Variants in NCKAP5 observed in about 807,000 individuals in gnomAD.
NCKAP5 encodes nck-associated protein 5.
A neutral mutation model predicts 167.0 loss-of-function variants in NCKAP5; 92 were observed. That is an observed-to-expected ratio of 0.55 (90% CI 0.47 to 0.66). The LOEUF is 0.66. NCKAP5 is among the 30% of genes least tolerant of loss of function. The probability of loss-of-function intolerance (pLI) is 0.00; values close to 1 mark genes in which losing one functional copy is unlikely to be tolerated. For missense variants in NCKAP5, 2,378 were observed against 2,315.0 expected (o/e 1.03, Z -0.56); for synonymous variants, 891 against 877.4 (o/e 1.02, Z -0.27).
chr2:133,289,213 G>A (rs542786922), intron 4 of NCKAP5, among the ~76,000 whole-genome samples: 22 of 152,176 alleles, frequency 1.4e-4, no homozygotes, highest in African/African-American at 4.8e-4. Context: ...ATACTTTAAG[G>A]GATAAAGAGA....
At chr2:132,868,878 G>A in intron 10 of NCKAP5, 58 bp downstream of exon 10, 2 of 1,259,110 alleles carry the variant, frequency 1.6e-6, no homozygotes, top group African/African-American at 1.5e-5. Flanking sequence ...TTAACAACAT[G>A]AGCTCCAATA....
intron 6 of NCKAP5, among the ~76,000 whole-genome samples, chr2:133,056,511 GT>G (rs1239037684): frequency 6.6e-6 from 1 of 152,094 alleles, no homozygotes; most frequent in Non-Finnish European, 1.5e-5. Context: ...ATCTTAAAGT[GT>G]CTGTCTTCAC....
intron 11 of NCKAP5, among the ~76,000 whole-genome samples, chr2:132,826,956 G>T (rs1687165749): frequency 6.6e-6 from 1 of 152,190 alleles, no homozygotes; most frequent in African/African-American, 2.4e-5. Flanking sequence ...TGGGGGAAGA[G>T]AAAGTATTGG....
At chr2:132,781,297 A>G in intron 14 of NCKAP5, 68 bp from the exon 15 acceptor site, 1 of 1,443,972 alleles carries the variant, frequency 6.9e-7, no homozygotes, top group Non-Finnish European at 9.3e-7. Flanking sequence ...CCTTTTCCCA[A>G]TCTTTTTAAT....
At chr2:132,981,365 C>T (rs1409151021) in intron 7 of NCKAP5, among the ~76,000 whole-genome samples, 1 of 152,156 alleles carries the variant, frequency 6.6e-6, no homozygotes, top group African/African-American at 2.4e-5. Flanking sequence ...TCAACATTGA[C>T]TTAAGACATA....
intron 4 of NCKAP5, among the ~76,000 whole-genome samples, chr2:133,299,738 C>G (rs1680237163): frequency 6.6e-6 from 1 of 152,102 alleles, no homozygotes; most frequent in Non-Finnish European, 1.5e-5. Flanking sequence ...GCAACAAGAG[C>G]AAATCTCTGT....
intron 16 of NCKAP5, among the ~76,000 whole-genome samples, chr2:132,767,520 A>AGGC (rs2104908397): frequency 6.6e-6 from 1 of 152,358 alleles, no homozygotes; most frequent in African/African-American, 2.4e-5. Flanking sequence ...CTGGGATTAC[A>AGGC]GGCGTGAGCC....
At chr2:132,812,696 G>T (rs892831058) in intron 11 of NCKAP5, among the ~76,000 whole-genome samples, 1 of 152,164 alleles carries the variant, frequency 6.6e-6, no homozygotes, top group African/African-American at 2.4e-5. Flanking sequence ...CTCAGGAGAG[G>T]GGGGCTGTCT....
intron 19 of NCKAP5, among the ~76,000 whole-genome samples, chr2:132,695,550 G>T (rs1158932852): frequency 3.9e-5 from 6 of 152,166 alleles, no homozygotes; most frequent in African/African-American, 1.4e-4. Flanking sequence ...TAGCTCCTGA[G>T]AAATCCTCAG....
intron 3 of NCKAP5, among the ~76,000 whole-genome samples, chr2:133,510,815 C>T (rs926630953): frequency 1.4e-4 from 22 of 152,346 alleles, no homozygotes; most frequent in African/African-American, 5.3e-4. Context: ...GAAATCCCAA[C>T]TCTACCTCTT....
intron 6 of NCKAP5, among the ~76,000 whole-genome samples, chr2:133,008,291 C>T (rs938026382): frequency 4.5e-4 from 69 of 152,242 alleles, no homozygotes; most frequent in African/African-American, 1.6e-3. Context: ...CCAAATTGAT[C>T]GCCAGCCTAC....
chr2:133,373,912 C>G (rs1474642194), intron 3 of NCKAP5, among the ~76,000 whole-genome samples: 1 of 152,154 alleles, frequency 6.6e-6, no homozygotes, highest in African/African-American at 2.4e-5. Context: ...ACAACATTTA[C>G]AAAAACTAAT....
intron 2 of NCKAP5, among the ~76,000 whole-genome samples, chr2:133,543,291 C>A (rs1444767427): frequency 6.6e-6 from 1 of 152,156 alleles, no homozygotes; most frequent in Non-Finnish European, 1.5e-5. Flanking sequence ...CTCCTGAGGT[C>A]TCACCAGAAG....
chr2:132,936,278 A>G (rs1696845543), intron 8 of NCKAP5, among the ~76,000 whole-genome samples: 1 of 152,228 alleles, frequency 6.6e-6, no homozygotes, highest in South Asian at 2.1e-4. Context: ...CACTGCACCC[A>G]GACTGGAATA....
chr2:133,209,938 C>T (rs534044997), intron 5 of NCKAP5, among the ~76,000 whole-genome samples: 9 of 151,992 alleles, frequency 5.9e-5, no homozygotes, highest in South Asian at 2.1e-4. Context: ...GAGGTCAAGG[C>T]GGGATTACCT....
At chr2:133,387,885 C>T (rs921920138) in intron 3 of NCKAP5, among the ~76,000 whole-genome samples, 4 of 152,230 alleles carry the variant, frequency 2.6e-5, no homozygotes, top group African/African-American at 4.8e-5. Context: ...CCATGGTTTT[C>T]AGCTCCATCA....
intron 3 of NCKAP5, among the ~76,000 whole-genome samples, chr2:133,465,211 A>G (rs887923515): frequency 2.4e-5 from 3 of 127,640 alleles, no homozygotes; most frequent in African/African-American, 9.2e-5. Flanking sequence ...TCCTGTGTCC[A>G]TGTGATCTCA....
chr2:133,455,061 T>C (rs1200510767), intron 3 of NCKAP5, among the ~76,000 whole-genome samples: 1 of 152,110 alleles, frequency 6.6e-6, no homozygotes, highest in Admixed American at 6.6e-5. Context: ...AAATGCTAGA[T>C]GAAACACGAT....
chr2:133,253,063 A>C (rs2088432844), intron 4 of NCKAP5, among the ~76,000 whole-genome samples: 1 of 152,200 alleles, frequency 6.6e-6, no homozygotes, highest in African/African-American at 2.4e-5. Context: ...TGCCAACCTC[A>C]CCAAGACTGC....
Sources: allele counts gnomAD v4.1 joint callset (sites outside exome capture counted in the v4.1 genomes callset), GRCh38; gene constraint gnomAD v4.1.1; transcripts MANE v1.5; gene names NCBI Gene and HGNC (gene_info 2026-07-23, HGNC 2026-07-21).